Variants in CMC2 observed in about 807,000 individuals in gnomAD.
CMC2 encodes the protein COX assembly mitochondrial protein 2 homolog.
Under a neutral mutation model 7.5 loss-of-function variants are expected in CMC2, and 5 were observed. The ratio of observed to expected loss-of-function variants is 0.66; its 90% CI spans 0.35 to 1.40. The LOEUF is 1.40. Among genes scored for constraint, CMC2 ranks in the 40% most tolerant of loss-of-function variants. The probability of loss-of-function intolerance (pLI) is 0.04; values close to 1 mark genes in which losing one functional copy is unlikely to be tolerated. For missense variants in CMC2, 115 were observed against 92.3 expected (o/e 1.25, Z -1.01); for synonymous variants, 37 against 31.4 (o/e 1.18, Z -0.60).
At chr16:80,992,953 T>C (rs1378230784) in intron 2 of CMC2, among the ~76,000 whole-genome samples, 1 of 152,200 alleles carries the variant, frequency 6.6e-6, no homozygotes, top group Non-Finnish European at 1.5e-5. Flanking sequence ...TCTTTGATTT[T>C]ATTGTCTCTG....
chr16:80,988,450 T>C, intron 2 of CMC2: 1 of 657,926 alleles, frequency 1.5e-6, no homozygotes, highest in Non-Finnish European at 2.7e-6. Context: ...ATTTGTCAAT[T>C]TCAAACTTGA....
chr16:80,981,206 C>A (rs1456071536), intron 3 of CMC2, among the ~76,000 whole-genome samples: 5 of 151,378 alleles, frequency 3.3e-5, no homozygotes, highest in Non-Finnish European at 7.4e-5. Flanking sequence ...AATCAAATTT[C>A]TTTTCAAAGG....
chr16:80,976,569 T>C (rs1439388031), intron 3 of CMC2, among the ~76,000 whole-genome samples: 2 of 149,766 alleles, frequency 1.3e-5, no homozygotes, highest in Non-Finnish European at 3.0e-5. Flanking sequence ...TGAGTACCTC[T>C]AGTGGAGAGG....
Position 80,968,351 on chromosome 16 carries a change from G to C in CMC2, c.*7742C>G, listed in dbSNP as rs142420159. On this transcript the variant is annotated 3_prime_UTR_variant, in exon 4 of 4. Transcript: ENST00000219400. ...CTTCGAAAGTACTGGGATTACAGGC[G>C]CAAGCCACCCCACACGGCTGAGATT... The C allele has an allele frequency of 6.6e-6, 1 of 152,256 alleles. No individual in the cohort carries two copies. Among genetic ancestry groups the C allele is most frequent in the Non-Finnish European group, 1.5e-5 (1 of 68,142 alleles). The allele number at this position is 152,256 out of a possible 1,614,324, so 9.4% of individuals were successfully genotyped here.
Position 80,973,622 on chromosome 16 carries a change from G to C in CMC2, c.*2471C>G, listed in dbSNP as rs1912083071. ...CCATTATGCTCCAAATAACATGCAA[G>C]TTCCCTGAGGTGATGTCCAAGGCCT... On this transcript the variant is annotated 3_prime_UTR_variant, in exon 4 of 4. Coordinates refer to ENST00000219400, the MANE Select transcript of CMC2 (RefSeq NM_020188.5). 6.6e-6 allele frequency: 1 copy of C among 152,272 alleles called. No individual in the cohort carries two copies. The highest frequency in any genetic ancestry group is 1.9e-4 in the East Asian group (1 of 5,176). The allele number at this position is 152,272 out of a possible 1,614,324, so 9.4% of individuals were successfully genotyped here. A position where few individuals can be genotyped will look rare whatever the true frequency, so the allele number is the denominator to read the frequency against.
At chr16:80,985,771 C>T (rs1967471173) in intron 2 of CMC2, among the ~76,000 whole-genome samples, 1 of 151,890 alleles carries the variant, frequency 6.6e-6, no homozygotes, top group East Asian at 1.9e-4. Flanking sequence ...ACCAACTAAG[C>T]TGAAGAAAAC....
chr16:81,004,966 T>C (rs1468561189), intron 1 of CMC2, among the ~76,000 whole-genome samples: 1 of 152,228 alleles, frequency 6.6e-6, no homozygotes, highest in Non-Finnish European at 1.5e-5. Context: ...TTGGCTTTTC[T>C]TTAGAAAGAT....
chr16:80,982,583 A>G (rs972232440), intron 2 of CMC2: 10 of 152,002 alleles, frequency 6.6e-5, no homozygotes, highest in Non-Finnish European at 1.2e-4. Flanking sequence ...TAAAACATAT[A>G]CAAATTTTAA....
In CMC2 at chr16:80,985,720, T is replaced by A. The variant is rs1310806985; in HGVS notation, c.82-3843A>T. 6.6e-5 allele frequency among the ~76,000 whole-genome samples: 10 copies of A among 151,946 alleles called. No individual in the cohort carries two copies. In the East Asian group the frequency reaches 1.7e-3, roughly 26 times the overall value. On this transcript the variant is annotated intron_variant, in intron 2 of 3. Coordinates refer to ENST00000219400, the MANE Select transcript of CMC2 (RefSeq NM_020188.5). Reference sequence around the variant, plus strand: ...TATGATGCTACTCAAACAGAGTGACTGCACCAGGAGAATCTAGGCCAGGAA... The same window carrying A: ...TATGATGCTACTCAAACAGAGTGACAGCACCAGGAGAATCTAGGCCAGGAA...
At chr16:80,984,158 G>A (rs781287779) in intron 2 of CMC2, 2 of 152,104 alleles carry the variant, frequency 1.3e-5, no homozygotes, top group Non-Finnish European at 2.9e-5. Context: ...AAAAGTATGC[G>A]TGCTCTAAAG....
chr16:80,987,588 C>G (rs1026351606), intron 2 of CMC2, among the ~76,000 whole-genome samples: 1 of 152,078 alleles, frequency 6.6e-6, no homozygotes, highest in Non-Finnish European at 1.5e-5. Context: ...GCAAAATAGG[C>G]CAGTAGATCA....
At chr16:80,992,706 T>TTG (rs386385223) in intron 2 of CMC2, among the ~76,000 whole-genome samples, 1 of 2,254 alleles carries the variant, frequency 4.4e-4, no homozygotes, top group African/African-American at 5.8e-4. Flanking sequence ...TTCCCCCTCC[T>TTG]TTTTTTTTTT....
intron 2 of CMC2, chr16:80,982,807 T>C (rs544530817): frequency 6.5e-6 from 1 of 154,046 alleles, no homozygotes; most frequent in Non-Finnish European, 1.4e-5. Flanking sequence ...TAACACCCTG[T>C]GATACCAATA....
intron 3 of CMC2, among the ~76,000 whole-genome samples, chr16:80,976,711 T>C (rs958259940): frequency 6.6e-6 from 1 of 152,250 alleles, no homozygotes; most frequent in Non-Finnish European, 1.5e-5. Flanking sequence ...TGGACAATTC[T>C]ACTCGTTCCA....
At chr16:80,976,291 G>T in intron 3 of CMC2, 112 bp from the exon 4 acceptor site, 2 of 605,796 alleles carry the variant, frequency 3.3e-6, no homozygotes, top group East Asian at 2.9e-5. Flanking sequence ...GAGGTTAACA[G>T]GGTTTAAATT....
At chr16:80,982,273 G>A (rs1967179285) in intron 2 of CMC2, 1 of 155,142 alleles carries the variant, frequency 6.4e-6, no homozygotes, top group East Asian at 1.9e-4. Context: ...GGGAGGCCAA[G>A]ACGGGTGGGT....
intron 3 of CMC2, among the ~76,000 whole-genome samples, chr16:80,977,999 A>G (rs1912633410): frequency 6.6e-6 from 1 of 150,876 alleles, no homozygotes; most frequent in Non-Finnish European, 1.5e-5. Context: ...TTGAATCCAG[A>G]AGGAGGAGGT....
chr16:80,976,367 GTTACC>G (rs2151610930), intron 3 of CMC2, among the ~76,000 whole-genome samples, 188 bp from the exon 4 acceptor site: 1 of 152,304 alleles, frequency 6.6e-6, no homozygotes, highest in South Asian at 2.1e-4. Context: ...ATTGGAAATA[GTTACC>G]TTAGAGAGTA....
chr16:80,991,358 C>T (rs772745408), intron 2 of CMC2, among the ~76,000 whole-genome samples: 13 of 152,048 alleles, frequency 8.5e-5, no homozygotes, highest in Non-Finnish European at 1.8e-4. Flanking sequence ...AACCTAGCCA[C>T]GTGCAATAGC....
Sources: gnomAD v4.1 joint callset for allele counts (sites outside exome capture counted in the v4.1 genomes callset) on GRCh38, gnomAD v4.1.1 for gene constraint, MANE v1.5 for transcripts, NCBI Gene and HGNC (gene_info 2026-07-23, HGNC 2026-07-21) for gene names.